Variants in ANKFN1 observed in about 807,000 individuals in gnomAD.
The protein encoded by ANKFN1 is ankyrin repeat and fibronectin type III domain containing 1, also known as ankyrin repeat and fibronectin type-III domain-containing protein 1.
In ANKFN1, 74 loss-of-function variants were observed where a neutral mutation model predicts 108.7. The observed-to-expected ratio is 0.68, with a 90% CI of 0.56 to 0.83. ANKFN1 has a LOEUF of 0.83. Ranked by LOEUF, ANKFN1 falls within the 40% of genes least tolerant of loss-of-function variation. ANKFN1 has a pLI of 0.00. For missense variants in ANKFN1, 1,505 were observed against 1,382.3 expected (o/e 1.09, Z -1.41); for synonymous variants, 547 against 516.2 (o/e 1.06, Z -0.81).
chr17:56,510,884 G>T lies in ANKFN1; in HGVS notation c.3056G>T (p.Arg1019Leu), dbSNP rs1192163077. The change falls in exon 21 of 21, where the codon CGC becomes CTC. Residue 1019 changes from arginine to leucine, a missense_variant. Transcript: ENST00000682825. ...GGFSRHHRWL[R>L]IHSETQSLSL... The stretch of plus-strand genomic sequence containing the variant: ...TTCAGCCGCCATCATCGCTGGTTGC[G>T]CATCCACAGCGAGACCCAGTCGCTA... The T allele has an allele frequency of 6.5e-7, 1 of 1,536,166 alleles. No individual in the cohort carries two copies.
intron 5 of ANKFN1, among the ~76,000 whole-genome samples, chr17:56,351,458 C>A (rs548505253): frequency 4.2e-5 from 6 of 142,582 alleles, no homozygotes; most frequent in East Asian, 2.1e-4. Flanking sequence ...TAAAAAAAAA[C>A]AACTAGGAAA....
intron 7 of ANKFN1, among the ~76,000 whole-genome samples, chr17:56,373,926 T>C (rs9909226): frequency 0.74 from 113,246 of 152,140 alleles, 42,331 homozygotes; most frequent in East Asian, 0.96. Flanking sequence ...TAAGCAATAC[T>C]AAAAGCCATC....
rs1220988078 is a variant in ANKFN1, at chr17:56,511,144, C to T, written c.3316C>T (p.Pro1106Ser). The change falls in exon 21 of 21, where the codon CCA becomes TCA. Residue 1106 changes from proline (P) to serine (S), a missense_variant. Transcript: ENST00000682825. ...GGCCGTGGTGGCCCAGGACGAAAAA[C>T]CATGGGCAAGCTTGAGCCCGCCCTC... ...AAAVVAQDEK[P>S]WASLSPPSGG... 2.0e-6 allele frequency: 3 copies of T among 1,536,048 alleles called. No individual in the cohort carries two copies. Among genetic ancestry groups the T allele is most frequent in the Non-Finnish European group, 2.6e-6 (3 of 1,146,880 alleles).
chr17:56,124,105 T>C (rs1408427987), intron 4 of ANKFN1, among the ~76,000 whole-genome samples: 2 of 152,236 alleles, frequency 1.3e-5, no homozygotes, highest in African/African-American at 4.8e-5. Context: ...GTAAATCACC[T>C]GGGGTGTCGA....
chr17:56,416,688 G>C (rs1213806132), intron 8 of ANKFN1, among the ~76,000 whole-genome samples: 1 of 152,102 alleles, frequency 6.6e-6, no homozygotes, highest in East Asian at 1.9e-4. Context: ...CATACAGCCC[G>C]GCGATCCCGC....
In ANKFN1 at chr17:56,440,315, T is replaced by C; in HGVS notation, c.911-12T>C. On this transcript the variant is annotated splice_polypyrimidine_tract_variant and intron_variant, in intron 8 of 20. Coordinates refer to ENST00000682825, the MANE Select transcript of ANKFN1 (RefSeq NM_001370326.1). ...CTCTTTCTCTCTCTCCCTGCCCCCCTACTCCCTCCAGTGGAATGGAGTATG... is the reference window on the plus strand; with the variant it reads ...CTCTTTCTCTCTCTCCCTGCCCCCCCACTCCCTCCAGTGGAATGGAGTATG... The C allele has an allele frequency of 1.3e-6, 2 of 1,574,084 alleles. No individual in the cohort carries two copies. Among genetic ancestry groups the C allele is most frequent in the Non-Finnish European group, 8.7e-7 (1 of 1,145,632 alleles).
At chr17:56,257,875 CT>C (rs2043398593) in intron 3 of ANKFN1, 1 of 152,262 alleles carries the variant, frequency 6.6e-6, no homozygotes, top group African/African-American at 2.4e-5. Context: ...CCTCTTCCCT[CT>C]CTCTAACCCC....
At position 56,097,644 on chromosome 17, in the gene ANKFN1, A is replaced by G. The variant is rs192544816; in HGVS notation, c.288+51319A>G. Among the ~76,000 whole-genome samples the G allele has an allele frequency of 3.2e-3, 483 of 152,330 alleles. 6 individuals carry two copies. The highest frequency in any genetic ancestry group is 3.3e-3 in the East Asian group (17 of 5,186). ...TCCTTAGGTGAAACACAGTCAGTTCATATCACTCTTCTGCTCAGAACCTTC... is the reference window on the plus strand; with the variant it reads ...TCCTTAGGTGAAACACAGTCAGTTCGTATCACTCTTCTGCTCAGAACCTTC... On this transcript the variant is annotated intron_variant, in intron 4 of 12. Transcript: ENST00000635860.
intron 2 of ANKFN1, chr17:56,215,852 G>A (rs1915388102): frequency 6.5e-6 from 1 of 152,676 alleles, no homozygotes; most frequent in South Asian, 2.1e-4. Context: ...AGGCAGCGTG[G>A]GTGGGAGGCT....
intron 10 of ANKFN1, 21 bp downstream of exon 10, chr17:56,442,954 C>A: frequency 6.2e-7 from 1 of 1,611,090 alleles, no homozygotes. Flanking sequence ...GCTGTGAACT[C>A]TCTCCAGCAT....
chr17:56,370,935 C>T (rs934479576), intron 6 of ANKFN1, among the ~76,000 whole-genome samples: 1 of 133,024 alleles, frequency 7.5e-6, no homozygotes, highest in Admixed American at 8.8e-5. Flanking sequence ...TGTGCGCCCG[C>T]GTGTGTGTAT....
chr17:56,478,666 G>A (rs2050592301), intron 16 of ANKFN1, among the ~76,000 whole-genome samples: 1 of 150,460 alleles, frequency 6.6e-6, no homozygotes, highest in South Asian at 2.1e-4. Context: ...ACTGAATTGT[G>A]CTCAACATAA....
At chr17:56,394,780 G>A (rs568479631) in intron 8 of ANKFN1, among the ~76,000 whole-genome samples, 129 of 152,258 alleles carry the variant, frequency 8.5e-4, no homozygotes, top group Middle Eastern at 3.4e-3. Flanking sequence ...ATGATAAGCC[G>A]CTTTCTAGGT....
At chr17:56,336,950 T>G (rs775509365) in intron 4 of ANKFN1, among the ~76,000 whole-genome samples, 7 of 152,182 alleles carry the variant, frequency 4.6e-5, no homozygotes, top group Non-Finnish European at 1.0e-4. Context: ...AAGAACATCT[T>G]TATTTCTGCC....
At chr17:56,301,716 C>T (rs142963199) in intron 3 of ANKFN1, among the ~76,000 whole-genome samples, 1 of 152,316 alleles carries the variant, frequency 6.6e-6, no homozygotes, top group Admixed American at 6.5e-5. Context: ...AATGGTGAAA[C>T]TCTGAACCTG....
intron 3 of ANKFN1, among the ~76,000 whole-genome samples, chr17:56,284,842 G>A (rs1458245589): frequency 6.6e-6 from 1 of 152,100 alleles, no homozygotes; most frequent in African/African-American, 2.4e-5. Context: ...CTAAAGAGAG[G>A]CTTCATTAGT....
At chr17:56,427,652 C>G (rs572760875) in intron 8 of ANKFN1, among the ~76,000 whole-genome samples, 1 of 152,212 alleles carries the variant, frequency 6.6e-6, no homozygotes, top group Non-Finnish European at 1.5e-5. Flanking sequence ...GGAGTCCCTG[C>G]CTTAAGTTCA....
Position 56,511,219 on chromosome 17 carries a change from G to A in ANKFN1, c.3391G>A (p.Glu1131Lys). ...CCCCACTGGCCCCGATGTGAGTCAGGAGGGCCCCACCGCCTCTCCCATGTC... is the reference window on the plus strand; with the variant it reads ...CCCCACTGGCCCCGATGTGAGTCAGAAGGGCCCCACCGCCTCTCCCATGTC... ...PSPTGPDVSQ[E>K]GPTASPMSEI... The change falls in exon 21 of 21, where the codon GAG becomes AAG. Residue 1131 changes from glutamate to lysine, a missense_variant. Coordinates refer to ENST00000682825, the MANE Select transcript of ANKFN1 (RefSeq NM_001370326.1). 1 of 1,534,228 alleles carries A rather than the reference G, an allele frequency of 6.5e-7. No homozygotes were observed. The highest frequency in any genetic ancestry group is 2.4e-5 in the East Asian group (1 of 40,880).
intron 4 of ANKFN1, among the ~76,000 whole-genome samples, chr17:56,327,140 C>T (rs2045539524): frequency 6.6e-6 from 1 of 152,188 alleles, no homozygotes; most frequent in Non-Finnish European, 1.5e-5. Context: ...TGCTTCTGTA[C>T]TGGGCTCCAA....
Sources: allele counts gnomAD v4.1 joint callset (sites outside exome capture counted in the v4.1 genomes callset), GRCh38; gene constraint gnomAD v4.1.1; transcripts MANE v1.5; gene names NCBI Gene and HGNC (gene_info 2026-07-23, HGNC 2026-07-21).